SCRG1: variants seen among roughly 807,000 people sequenced by gnomAD.
SCRG1 encodes stimulator of chondrogenesis 1, also known as scrapie-responsive protein 1.
Under a neutral mutation model 7.7 loss-of-function variants are expected in SCRG1, and 3 were observed. The ratio of observed to expected loss-of-function variants is 0.39; its 90% CI spans 0.18 to 1.01. The LOEUF (loss-of-function observed/expected upper bound fraction) is 1.01. Ranked by LOEUF, SCRG1 falls within the 50% of genes least tolerant of loss-of-function variation. The pLI, the probability that SCRG1 is intolerant of heterozygous loss-of-function variation, is 0.36. For synonymous variants in SCRG1, 46 were observed against 41.2 expected (o/e 1.12, Z -0.44); for missense variants, 110 against 117.2 (o/e 0.94, Z 0.28).
chr4:173,396,976 C>T (rs1393740677), intron 1 of SCRG1, among the ~76,000 whole-genome samples: 4 of 152,102 alleles, frequency 2.6e-5, no homozygotes, highest in Middle Eastern at 3.4e-3. Flanking sequence ...TCACTTGAAC[C>T]GCGGAGGCAG....
chr4:173,454,473 ATAT>A, the SCRG1 span, among the ~76,000 whole-genome samples: 12 of 152,154 alleles, frequency 7.9e-5, no homozygotes, highest in African/African-American at 2.9e-4. Flanking sequence ...TCCACATGGG[ATAT>A]ATACCTGTAT....
chr4:173,518,136 C>G, the SCRG1 span, among the ~76,000 whole-genome samples: 1 of 152,338 alleles, frequency 6.6e-6, no homozygotes, highest in South Asian at 2.1e-4. Context: ...TCTGTTCTCT[C>G]GTTTTTTTCG....
chr4:173,395,485 CA>C (rs1739578384), intron 1 of SCRG1, among the ~76,000 whole-genome samples: 1 of 152,230 alleles, frequency 6.6e-6, no homozygotes, highest in Middle Eastern at 3.2e-3. Context: ...GCCGGGCAGT[CA>C]AGCCAGTCAT....
chr4:173,495,205 G>A, the SCRG1 span, among the ~76,000 whole-genome samples: 6 of 152,212 alleles, frequency 3.9e-5, no homozygotes, highest in Non-Finnish European at 7.3e-5. Context: ...ATTAGTCATA[G>A]TGAAAATGGT....
the SCRG1 span, among the ~76,000 whole-genome samples, chr4:173,467,645 G>A: frequency 3.3e-5 from 5 of 152,072 alleles, no homozygotes; most frequent in Non-Finnish European, 7.4e-5. Flanking sequence ...TATTAGCATA[G>A]GACACTCTTG....
At chr4:173,486,057 T>A in the SCRG1 span, among the ~76,000 whole-genome samples, 7 of 152,204 alleles carry the variant, frequency 4.6e-5, no homozygotes, top group Non-Finnish European at 7.3e-5. Context: ...TAGCAAATCT[T>A]GCATTCAAAC....
At chr4:173,494,843 C>A in the SCRG1 span, among the ~76,000 whole-genome samples, 1 of 152,238 alleles carries the variant, frequency 6.6e-6, no homozygotes, top group African/African-American at 2.4e-5. Context: ...AACTGCGGCA[C>A]TTAAAGTATT....
At chr4:173,411,067 A>G (rs1378467083), upstream of SCRG1, among the ~76,000 whole-genome samples, 1 of 152,192 alleles carries the variant, frequency 6.6e-6, no homozygotes, top group East Asian at 1.9e-4. Context: ...CCTTAGCTCC[A>G]TCTATCATTA....
At chr4:173,507,640 G>A in the SCRG1 span, among the ~76,000 whole-genome samples, 2 of 152,022 alleles carry the variant, frequency 1.3e-5, no homozygotes, top group Non-Finnish European at 2.9e-5. The surrounding 1 kb of genome is among the most constrained non-coding windows in gnomAD (Gnocchi z 4.4). Flanking sequence ...ACACCTGAGC[G>A]CCCCCACCCT....
the SCRG1 span, among the ~76,000 whole-genome samples, chr4:173,507,236 G>A: frequency 2.6e-5 from 4 of 151,784 alleles, no homozygotes; most frequent in Non-Finnish European, 5.9e-5. The surrounding 1 kb of genome is among the most constrained non-coding windows in gnomAD (Gnocchi z 4.4). Context: ...TTAAGACAGA[G>A]TCTTGCTCTG....
chr4:173,420,904 TGA>T, the SCRG1 span, among the ~76,000 whole-genome samples: 2 of 152,156 alleles, frequency 1.3e-5, no homozygotes, highest in Non-Finnish European at 2.9e-5. Context: ...AAAGTCTGTG[TGA>T]GTGTGTGAGG....
At chr4:173,409,338 T>C (rs78083443), upstream of SCRG1, among the ~76,000 whole-genome samples, 133 of 152,272 alleles carry the variant, frequency 8.7e-4, no homozygotes, top group Non-Finnish European at 1.6e-3. Context: ...TCATACCCCT[T>C]ACCTGTGTGA....
chr4:173,486,753 G>C, the SCRG1 span, among the ~76,000 whole-genome samples: 1 of 152,072 alleles, frequency 6.6e-6, no homozygotes, highest in Non-Finnish European at 1.5e-5. Context: ...TCAGACTGGG[G>C]TGTCAAAGTC....
At chr4:173,476,265 C>A in the SCRG1 span, among the ~76,000 whole-genome samples, 1 of 150,058 alleles carries the variant, frequency 6.7e-6, no homozygotes, top group Non-Finnish European at 1.5e-5. Flanking sequence ...CAAGGGCCTG[C>A]ACCCTGCTCT....
chr4:173,448,560 G>A, the SCRG1 span, among the ~76,000 whole-genome samples: 5,013 of 152,308 alleles, frequency 0.033, 138 homozygotes, highest in Non-Finnish European at 0.055. Context: ...TTGAAATACC[G>A]GAAAAGTTGT....
chr4:173,463,925 G>C, the SCRG1 span, among the ~76,000 whole-genome samples: 1 of 152,124 alleles, frequency 6.6e-6, no homozygotes, highest in Admixed American at 6.5e-5. Flanking sequence ...TGGCATAACA[G>C]GCAGCTGAGC....
At chr4:173,404,277 C>T (rs1364894853) in intron 2 of SCRG1, 1 of 152,070 alleles carries the variant, frequency 6.6e-6, no homozygotes, top group Non-Finnish European at 1.5e-5. Flanking sequence ...AAATTGTAGC[C>T]CATAATTTGA....
At chr4:173,516,283 T>A in the SCRG1 span, among the ~76,000 whole-genome samples, 1 of 152,232 alleles carries the variant, frequency 6.6e-6, no homozygotes, top group Non-Finnish European at 1.5e-5. Flanking sequence ...ACCACCCGGA[T>A]AATATATTTA....
At chr4:173,485,166 T>TATA in the SCRG1 span, among the ~76,000 whole-genome samples, 2 of 42,322 alleles carry the variant, frequency 4.7e-5, 1 homozygote, top group Non-Finnish European at 9.0e-5. Flanking sequence ...TAATATATTA[T>TATA]ATATATTATA....
Sources: gnomAD v4.1 joint callset for allele counts (sites outside exome capture counted in the v4.1 genomes callset) on GRCh38, gnomAD v4.1.1 for gene constraint, Gnocchi (gnomAD v3.1) non-coding constraint, MANE v1.5 for transcripts, NCBI Gene and HGNC (gene_info 2026-07-23, HGNC 2026-07-21) for gene names.